Variants in IRF2 observed in about 807,000 individuals in gnomAD.
IRF2 encodes the protein interferon regulatory factor 2.
Under a neutral mutation model 40.6 loss-of-function variants are expected in IRF2, and 15 were observed. The observed-to-expected ratio is 0.37, with a 90% CI of 0.25 to 0.57. The LOEUF (loss-of-function observed/expected upper bound fraction) is 0.57. Among genes scored for constraint, IRF2 ranks in the 20% least tolerant of loss-of-function variants. The pLI is 0.77. For synonymous variants in IRF2, 151 were observed against 165.5 expected, an observed-to-expected ratio of 0.91 and a Z score of 0.67; for missense variants, 317 against 455.7, an observed-to-expected ratio of 0.70 and a Z score of 2.77.
chr4:184,428,806 A>G (rs1270784402), intron 2 of IRF2, 172 bp downstream of exon 2: 4 of 641,424 alleles, frequency 6.2e-6, no homozygotes, highest in African/African-American at 3.6e-5. Flanking sequence ...CTCTAAAAGA[A>G]AAAAAGCCTT....
At chr4:184,444,312 A>T (rs895650712) in intron 1 of IRF2, among the ~76,000 whole-genome samples, 1 of 152,144 alleles carries the variant, frequency 6.6e-6, no homozygotes, top group African/African-American at 2.4e-5. Context: ...CACCATCTCC[A>T]CAACTGTAGA....
intron 1 of IRF2, among the ~76,000 whole-genome samples, chr4:184,469,007 G>A (rs1288162562): frequency 3.3e-5 from 5 of 152,164 alleles, no homozygotes; most frequent in African/African-American, 9.7e-5. Flanking sequence ...ACCTTCCACC[G>A]CAGAGCCTTG....
At chr4:184,443,910 C>A (rs944892858) in intron 1 of IRF2, among the ~76,000 whole-genome samples, 5 of 152,200 alleles carry the variant, frequency 3.3e-5, no homozygotes, top group Non-Finnish European at 7.4e-5. Context: ...GGTGATCAAT[C>A]ATGTCTGACC....
intron 7 of IRF2, 149 bp from the exon 8 acceptor site, chr4:184,390,898 A>G: frequency 2.5e-6 from 2 of 810,594 alleles, no homozygotes; most frequent in Admixed American, 2.4e-5. Flanking sequence ...GGGAGAAGCT[A>G]GAGTGAATTT....
chr4:184,421,151 G>A (rs944294681), intron 2 of IRF2, among the ~76,000 whole-genome samples: 2 of 152,210 alleles, frequency 1.3e-5, no homozygotes, highest in East Asian at 1.9e-4. Context: ...CTCACATAGT[G>A]AAACACAGAA....
Position 184,408,635 on chromosome 4 carries a change from G to T in IRF2, c.412-360C>A, listed in dbSNP as rs1736953280. ...TTCTACACTCTCCTCCTCTGAGGGG[G>T]TGCTCAAAAGAATCAATGCCTGGCT... is the stretch of plus-strand genomic sequence containing the variant. On this transcript the variant is annotated intron_variant, in intron 5 of 8. Transcript: ENST00000393593. This position sits in a 1 kb window ranked among gnomAD's most constrained non-coding sequence, Gnocchi z 4.9. Among the ~76,000 whole-genome samples, 1 of 152,228 alleles carries T rather than the reference G, an allele frequency of 6.6e-6. No homozygotes were observed. The highest frequency in any genetic ancestry group is 2.4e-5 in the African/African-American group (1 of 41,446).
At chr4:184,429,165 T>C in intron 1 of IRF2, 95 bp from the exon 2 acceptor site, 6 of 711,024 alleles carry the variant, frequency 8.4e-6, no homozygotes, top group African/African-American at 1.8e-5. Flanking sequence ...TTTCCTTCTC[T>C]CCTTTCCTGG....
At chr4:184,451,026 G>A (rs1350924182) in intron 1 of IRF2, among the ~76,000 whole-genome samples, 1 of 152,200 alleles carries the variant, frequency 6.6e-6, no homozygotes, top group Non-Finnish European at 1.5e-5. Flanking sequence ...TGTCTGGCAA[G>A]TTTACCTCCT....
At chr4:184,436,623 G>C (rs1229186665) in intron 1 of IRF2, among the ~76,000 whole-genome samples, 1 of 152,150 alleles carries the variant, frequency 6.6e-6, no homozygotes, top group East Asian at 1.9e-4. Context: ...TATGGTAAAG[G>C]AAGACCTTAA....
intron 7 of IRF2, among the ~76,000 whole-genome samples, chr4:184,395,758 G>C (rs1249745737): frequency 6.6e-6 from 1 of 152,194 alleles, no homozygotes; most frequent in Non-Finnish European, 1.5e-5. Context: ...AGAACCAAAG[G>C]CCAGGCTGAA....
intron 8 of IRF2, among the ~76,000 whole-genome samples, chr4:184,389,968 G>A (rs1261603833): frequency 2.6e-5 from 4 of 152,238 alleles, no homozygotes; most frequent in Non-Finnish European, 4.4e-5. Context: ...CTGCAACCTT[G>A]AAGAAATCAG....
At chr4:184,446,089 C>T (rs1169518484) in intron 1 of IRF2, among the ~76,000 whole-genome samples, 1 of 152,204 alleles carries the variant, frequency 6.6e-6, no homozygotes, top group East Asian at 1.9e-4. Context: ...TAGCAGCCAC[C>T]AGAAGGTAGG....
chr4:184,434,408 G>GA (rs1554015473), intron 1 of IRF2, among the ~76,000 whole-genome samples: 1 of 151,280 alleles, frequency 6.6e-6, no homozygotes, highest in South Asian at 2.1e-4. Flanking sequence ...ATAATCTGAT[G>GA]TTTTTTTTTC....
At chr4:184,437,910 T>G (rs889243088) in intron 1 of IRF2, among the ~76,000 whole-genome samples, 2 of 152,070 alleles carry the variant, frequency 1.3e-5, no homozygotes, top group African/African-American at 4.8e-5. Context: ...TAATTTTTCC[T>G]GGGCACACAA....
chr4:184,455,310 T>A (rs1365612868), intron 1 of IRF2, among the ~76,000 whole-genome samples: 1 of 114,056 alleles, frequency 8.8e-6, no homozygotes, highest in Non-Finnish European at 1.8e-5. Flanking sequence ...TCTTTTTTTT[T>A]TTTTTTTTTT....
In IRF2 at chr4:184,418,182, T is replaced by A. The variant is rs1268044120; in HGVS notation, c.396A>T (p.Lys132Asn). 2 of 1,613,898 alleles carry A rather than the reference T, an allele frequency of 1.2e-6. No individual in the cohort carries two copies. The highest frequency in any genetic ancestry group is 2.7e-5 in the African/African-American group (2 of 74,934). Residue 132 changes from lysine (K) to asparagine (N), a missense_variant, in exon 5 of 9, where the codon AAA becomes AAT. Physicochemically the swap from Lys to Asn is moderately conservative, Grantham distance 94. Coordinates refer to ENST00000393593, the MANE Select transcript of IRF2 (RefSeq NM_002199.4). ...CCAAGATTACCTTGATGTGCTTAAC[T>A]TTGTCTTCTTTTTCTGTCTTTGGTT... ...GKKPKTEKED[K>N]VKHIKQEPVE...
intron 1 of IRF2, among the ~76,000 whole-genome samples, chr4:184,452,507 G>A (rs963339085): frequency 6.6e-6 from 1 of 152,148 alleles, no homozygotes; most frequent in African/African-American, 2.4e-5. Context: ...GTGGAGCTCT[G>A]CGGCACTGCC....
At chr4:184,441,130 G>A (rs1738288942) in intron 1 of IRF2, among the ~76,000 whole-genome samples, 1 of 152,142 alleles carries the variant, frequency 6.6e-6, no homozygotes, top group African/African-American at 2.4e-5. Flanking sequence ...ATCTTACACT[G>A]TCCTAAAGTC....
intron 5 of IRF2, among the ~76,000 whole-genome samples, chr4:184,414,500 C>G (rs1344191029): frequency 2.0e-5 from 3 of 152,178 alleles, no homozygotes; most frequent in African/African-American, 4.8e-5. Context: ...ACCACTGTAC[C>G]CAGCTGTTTT....
Sources: gnomAD v4.1 joint callset for allele counts (sites outside exome capture counted in the v4.1 genomes callset) on GRCh38, gnomAD v4.1.1 for gene constraint, Gnocchi (gnomAD v3.1) non-coding constraint, MANE v1.5 for transcripts, NCBI Gene and HGNC (gene_info 2026-07-23, HGNC 2026-07-21) for gene names.